PLEKHN1: variants seen among roughly 807,000 people sequenced by gnomAD.
PLEKHN1 encodes pleckstrin homology domain containing N1.
In PLEKHN1, 68 loss-of-function variants were observed where a neutral mutation model predicts 72.8. The observed-to-expected ratio is 0.93, with a 90% CI of 0.77 to 1.14. The LOEUF (loss-of-function observed/expected upper bound fraction) is 1.14. Among genes scored for constraint, PLEKHN1 ranks in the 50% most tolerant of loss-of-function variants. PLEKHN1 has a pLI of 0.00. For missense variants in PLEKHN1, 1,015 were observed against 840.5 expected (o/e 1.21, Z -2.57); for synonymous variants, 454 against 371.6 (o/e 1.22, Z -2.55).
At chr1:967,102 T>A (rs1643040262) in intron 2 of PLEKHN1, among the ~76,000 whole-genome samples, 1 of 152,132 alleles carries the variant, frequency 6.6e-6, no homozygotes, top group Non-Finnish European at 1.5e-5. Flanking sequence ...TCTCTGTCGC[T>A]GCAGTGGGGC....
In PLEKHN1 at chr1:970,823, C is replaced by T. The variant is rs1442274083; in HGVS notation, c.485-56C>T. 4 of 1,612,664 alleles carry T rather than the reference C, an allele frequency of 2.5e-6. No homozygotes were observed. The highest frequency in any genetic ancestry group is 4.5e-5 in the East Asian group (2 of 44,884). ...ACCCAGGACTTGGAGAGGGGCCTGCCCTGTGGCTGCGGAGCACGTGTGTGT... is the reference window on the plus strand; with the variant it reads ...ACCCAGGACTTGGAGAGGGGCCTGCTCTGTGGCTGCGGAGCACGTGTGTGT... On this transcript the variant is annotated intron_variant, in intron 5 of 15. Coordinates refer to ENST00000379410, the MANE Select transcript of PLEKHN1 (RefSeq NM_032129.3). The surrounding 1 kb of genome is among the most constrained non-coding windows in gnomAD (Gnocchi z 4.2).
At chr1:969,785 A>G (rs7522959) in intron 2 of PLEKHN1, among the ~76,000 whole-genome samples, 116,091 of 151,874 alleles carry the variant, frequency 0.76, 49,775 homozygotes, top group Non-Finnish European at 0.96. Flanking sequence ...GTGTGCGTGT[A>G]TGCATTTATA....
In PLEKHN1 at chr1:971,367, C is replaced by G; in HGVS notation, c.752C>G (p.Ala251Gly). 6.3e-7 allele frequency: 1 copy of G among 1,590,248 alleles called. No individual in the cohort carries two copies. Among genetic ancestry groups the G allele is most frequent in the Non-Finnish European group, 8.5e-7 (1 of 1,169,852 alleles). ...RLLVLYPTSLAIFSEELDGLC... is the reference protein window; with the variant it reads ...RLLVLYPTSLGIFSEELDGLC... Reference sequence around the variant, plus strand: ...TTGGTCCTGTACCCAACGTCCTTGGCCATTTTCTCCGAGGAGCTGGACGGG... The same window carrying G: ...TTGGTCCTGTACCCAACGTCCTTGGGCATTTTCTCCGAGGAGCTGGACGGG... Residue 251 changes from alanine to glycine, a missense_variant, in exon 8 of 16, where the codon GCC becomes GGC. By Grantham distance (60) the Ala-to-Gly change is moderately conservative. Transcript: ENST00000379410.
intron 2 of PLEKHN1, among the ~76,000 whole-genome samples, chr1:967,559 A>G (rs966112093): frequency 6.6e-6 from 1 of 152,070 alleles, no homozygotes; most frequent in African/African-American, 2.4e-5. Context: ...TGCAGGCCCT[A>G]GGAGCATCTG....
chr1:970,234 G>A lies in PLEKHN1; in HGVS notation c.184-43G>A. ...TGTGGATGCGAGCGGAGGGGGTGGG[G>A]GGCCCAGGGGAGGCCCCCTCCCCTG... is the stretch of plus-strand genomic sequence containing the variant. On this transcript the variant is annotated intron_variant, in intron 2 of 15. Transcript: ENST00000379410. This position sits in a 1 kb window ranked among gnomAD's most constrained non-coding sequence, Gnocchi z 4.2. 1.3e-6 allele frequency: 2 copies of A among 1,599,776 alleles called. No individual in the cohort carries two copies. Among genetic ancestry groups the A allele is most frequent in the African/African-American group, 2.7e-5 (2 of 74,252 alleles).
In PLEKHN1 at chr1:974,748, T is replaced by G; in HGVS notation, c.*173T>G. 4.8e-5 allele frequency: 30 copies of G among 621,210 alleles called. No individual in the cohort carries two copies. The highest frequency in any genetic ancestry group is 1.6e-4 in the East Asian group (4 of 24,760). The allele number at this position is 621,210 out of a possible 1,614,324, so 38.5% of individuals were successfully genotyped here. On this transcript the variant is annotated 3_prime_UTR_variant, in exon 16 of 16. Coordinates refer to ENST00000379410, the MANE Select transcript of PLEKHN1 (RefSeq NM_032129.3). ...GCTCCTGTTCCTTGGTGCCAGCAGCTGGGGCAGGGAAGGGTGGGAGGGGCC... is the reference window on the plus strand; with the variant it reads ...GCTCCTGTTCCTTGGTGCCAGCAGCGGGGGCAGGGAAGGGTGGGAGGGGCC...
intron 2 of PLEKHN1, among the ~76,000 whole-genome samples, chr1:969,681 T>C (rs1161653990): frequency 6.6e-6 from 1 of 152,200 alleles, no homozygotes; most frequent in Non-Finnish European, 1.5e-5. Context: ...TGCGTGTGTG[T>C]ACATGTGTGT....
chr1:973,506 A>T lies in PLEKHN1; in HGVS notation c.1300A>T (p.Arg434Trp). 1 of 1,612,938 alleles carries T rather than the reference A, an allele frequency of 6.2e-7. No individual in the cohort carries two copies. The highest frequency in any genetic ancestry group is 8.5e-7 in the Non-Finnish European group (1 of 1,179,928). Residue 434 changes from arginine (R) to tryptophan (W), a missense_variant, in exon 13 of 16, where the codon AGG becomes TGG. Physicochemically the swap from Arg to Trp is moderately radical, Grantham distance 101. Coordinates refer to ENST00000379410, the MANE Select transcript of PLEKHN1 (RefSeq NM_032129.3). ...PLHLDLTQLH[R>W]LSLESSPDAP... ...TCCCACCTCTGCCCTGCAGCTGCAC[A>T]GGCTGAGCCTGGAGAGCAGCCCAGA...
In PLEKHN1 at chr1:966,586, T is replaced by A; in HGVS notation, c.55T>A (p.Ser19Thr). ...CCCCAGGAGGCTCCGGGCCTCCTTC[T>A]CCAGAAAGCCCTCGCTGAAGGGAAA... ...QAPRRLRASF[S>T]RKPSLKGNRE... The change falls in exon 1 of 16, where the codon TCC (serine) becomes ACC (threonine). Residue 19 changes from serine (S) to threonine (T), a missense_variant. Ser to Thr is a moderately conservative substitution (Grantham distance 58). Transcript: ENST00000379410. 6.2e-7 allele frequency: 1 copy of A among 1,610,926 alleles called. No individual in the cohort carries two copies. Among genetic ancestry groups the A allele is most frequent in the Non-Finnish European group, 8.5e-7 (1 of 1,178,674 alleles).
rs1469260222 is a variant in PLEKHN1, at chr1:971,001, C to T, written c.607C>T (p.Pro203Ser). Residue 203 changes from proline to serine, a missense_variant, in exon 6 of 16, where the codon CCA (proline) becomes TCA (serine). Physicochemically the swap from Pro to Ser is moderately conservative, Grantham distance 74 (BLOSUM62 -1). Coordinates refer to ENST00000379410, the MANE Select transcript of PLEKHN1 (RefSeq NM_032129.3). The stretch of plus-strand genomic sequence containing the variant: ...GCCGCGGCGCTGCCACTCGGCACCC[C>T]CACAGGTCAGTGCCGGGGACCCCAC... ...GGPRRCHSAP[P>S]QRRLTRLRTA... 1.2e-6 allele frequency: 2 copies of T among 1,603,536 alleles called. No individual in the cohort carries two copies. The highest frequency in any genetic ancestry group is 1.7e-5 in the Admixed American group (1 of 59,004).
chr1:972,251 AC>A (rs767774822), intron 9 of PLEKHN1, 36 bp from the exon 10 acceptor site: 37 of 1,547,650 alleles, frequency 2.4e-5, no homozygotes, highest in Non-Finnish European at 2.7e-5. Flanking sequence ...TGAGGGGTGC[AC>A]CCCCCCGCCA....
At chr1:967,836 C>T (rs918103191) in intron 2 of PLEKHN1, among the ~76,000 whole-genome samples, 1 of 152,234 alleles carries the variant, frequency 6.6e-6, no homozygotes, top group African/African-American at 2.4e-5. Flanking sequence ...AGGCCCAGGA[C>T]ATGCAGTGTG....
rs1320090160 is a variant in PLEKHN1 at position 971,325 on chromosome 1, AGCAGTGGGACCG to A, written c.713_724del (p.Gln238_Arg241del). The A allele has an allele frequency of 8.3e-7, 1 of 1,199,140 alleles. No individual in the cohort carries two copies. Among genetic ancestry groups the A allele is most frequent in the Middle Eastern group, 2.4e-4 (1 of 4,170 alleles). 74.3% of individuals were successfully genotyped at this position (1,199,140 alleles called of 1,614,324 possible). A position where few individuals can be genotyped will look rare whatever the true frequency, so the allele number is the denominator to read the frequency against. On this transcript the variant is annotated inframe_deletion and splice_region_variant, in exon 8 of 16. Coordinates refer to ENST00000379410, the MANE Select transcript of PLEKHN1 (RefSeq NM_032129.3). ...CTGACCCCACCCCCACCCACCCAGG[AGCAGTGGGACCG>A]GCTCTTGGTCCTGTACCCAACGTCC...
rs745505020 is a variant in PLEKHN1, at chr1:974,312, C to A, written c.1654-4C>A. 1.2e-6 allele frequency: 2 copies of A among 1,612,936 alleles called. No individual in the cohort carries two copies. Among genetic ancestry groups the A allele is most frequent in the South Asian group, 1.1e-5 (1 of 91,082 alleles). On this transcript the variant is annotated splice_region_variant and splice_polypyrimidine_tract_variant and intron_variant, in intron 14 of 15. Coordinates refer to ENST00000379410, the MANE Select transcript of PLEKHN1 (RefSeq NM_032129.3). ...GCTCTCAGACTTGCGGTTTGGGGTTCCAGGTCTCCTCTGCCAGGGAAGGTT... is the reference window on the plus strand; with the variant it reads ...GCTCTCAGACTTGCGGTTTGGGGTTACAGGTCTCCTCTGCCAGGGAAGGTT...
chr1:972,396 C>T lies in PLEKHN1; in HGVS notation c.974C>T (p.Pro325Leu), dbSNP rs1468615067. ...VTHREGAPPL[P>L]GAESFPGSQV... ...CACAGGGAGGGGGCCCCGCCGCTGC[C>T]TGGTGCCGAGAGCTTCCCAGGGTCG... Residue 325 changes from proline to leucine, a missense_variant, in exon 10 of 16, where the codon CCT becomes CTT. Transcript: ENST00000379410. 2 of 1,586,406 alleles carry T rather than the reference C, an allele frequency of 1.3e-6. No individual in the cohort carries two copies. Among genetic ancestry groups the T allele is most frequent in the Non-Finnish European group, 1.7e-6 (2 of 1,168,536 alleles).
At chr1:973,783 C>T in intron 13 of PLEKHN1, 50 bp from the exon 14 acceptor site, 2 of 1,583,060 alleles carry the variant, frequency 1.3e-6, no homozygotes, top group South Asian at 2.2e-5. Context: ...GGTTGAGGTT[C>T]TGGGGGCCCC....
Position 970,151 on chromosome 1 carries a change from C to T in PLEKHN1, c.184-126C>T. On this transcript the variant is annotated intron_variant, in intron 2 of 15. Transcript: ENST00000379410. This position sits in a 1 kb window ranked among gnomAD's most constrained non-coding sequence, Gnocchi z 4.2. ...GGTTCTGTGCCTGTGGGGGGCTGTT[C>T]TTCACATATGTGTTGTGTGGCTATG... 1.9e-6 allele frequency: 2 copies of T among 1,027,930 alleles called. No individual in the cohort carries two copies. Among genetic ancestry groups the T allele is most frequent in the Non-Finnish European group, 2.8e-6 (2 of 718,972 alleles). 63.7% of individuals were successfully genotyped at this position (1,027,930 alleles called of 1,614,324 possible). A position where few individuals can be genotyped will look rare whatever the true frequency, so the allele number is the denominator to read the frequency against.
chr1:970,554 G>T lies in PLEKHN1; in HGVS notation c.364G>T (p.Ala122Ser), dbSNP rs764611495. The T allele has an allele frequency of 1.2e-6, 2 of 1,612,928 alleles. No individual in the cohort carries two copies. The highest frequency in any genetic ancestry group is 3.3e-5 in the Admixed American group (2 of 59,974). ...VSDCYLELFPAHLYFQAHGSE... is the reference protein window; with the variant it reads ...VSDCYLELFPSHLYFQAHGSE... ...CGACTGCTACCTGGAGCTATTCCCC[G>T]CCCACCTGTACTTCCAGGCCCACGG... Residue 122 changes from alanine to serine, a missense_variant, in exon 4 of 16, where the codon GCC (alanine) becomes TCC (serine). Physicochemically the swap from Ala to Ser is moderately conservative, Grantham distance 99 (BLOSUM62 1). Transcript: ENST00000379410. The surrounding 1 kb of genome is among the most constrained non-coding windows in gnomAD (Gnocchi z 4.2).
chr1:974,235 G>A (rs574862476), intron 14 of PLEKHN1, 81 bp from the exon 15 acceptor site: 4 of 1,593,888 alleles, frequency 2.5e-6, no homozygotes, highest in African/African-American at 1.3e-5. Context: ...GGGACATGGG[G>A]GGCTGCACAG....
Sources: allele counts gnomAD v4.1 joint callset (sites outside exome capture counted in the v4.1 genomes callset), GRCh38; gene constraint gnomAD v4.1.1; non-coding constraint Gnocchi (gnomAD v3.1); transcripts MANE v1.5; gene names NCBI Gene and HGNC (gene_info 2026-07-23, HGNC 2026-07-21).